PRDM11: variants seen among roughly 807,000 people sequenced by gnomAD.
PRDM11 encodes the protein PR/SET domain 11, also known as PR domain-containing protein 11.
PRDM11 carries 20 observed loss-of-function variants against 97.8 expected under a neutral mutation model. The observed-to-expected ratio is 0.20, with a 90% CI of 0.14 to 0.30. PRDM11 has a LOEUF of 0.30. Ranked by LOEUF, PRDM11 falls within the 10% of genes least tolerant of loss-of-function variation. The pLI is 1.00. For synonymous variants in PRDM11, 599 were observed against 637.7 expected, an observed-to-expected ratio of 0.94 and a Z score of 0.91; for missense variants, 1,139 against 1,555.2, an observed-to-expected ratio of 0.73 and a Z score of 4.50.
At chr11:45,186,831 A>G (rs1852722428) in intron 4 of PRDM11, among the ~76,000 whole-genome samples, 1 of 152,206 alleles carries the variant, frequency 6.6e-6, no homozygotes, top group African/African-American at 2.4e-5. Flanking sequence ...TGACGAGGAA[A>G]CACAGGACTC....
intron 4 of PRDM11, among the ~76,000 whole-genome samples, chr11:45,200,013 C>G (rs1013743206): frequency 4.6e-5 from 7 of 152,232 alleles, no homozygotes; most frequent in Non-Finnish European, 5.9e-5. Flanking sequence ...TCTTCTGCGT[C>G]CCGCTAGGCT....
intron 1 of PRDM11, among the ~76,000 whole-genome samples, chr11:45,130,909 C>T (rs187270801): frequency 7.2e-5 from 11 of 151,946 alleles, no homozygotes; most frequent in Non-Finnish European, 1.5e-4. Context: ...GGTAACTACC[C>T]AAGATACATT....
chr11:45,148,474 C>G (rs1851578755), intron 1 of PRDM11, among the ~76,000 whole-genome samples: 1 of 152,150 alleles, frequency 6.6e-6, no homozygotes, highest in Non-Finnish European at 1.5e-5. Flanking sequence ...CAGAATTGCC[C>G]CCACAGACCC....
chr11:45,154,981 T>C (rs978648038), intron 1 of PRDM11, among the ~76,000 whole-genome samples: 3 of 152,140 alleles, frequency 2.0e-5, no homozygotes, highest in Non-Finnish European at 4.4e-5. Context: ...ACAGAGAGAT[T>C]GTCCAGCTAC....
intron 1 of PRDM11, among the ~76,000 whole-genome samples, chr11:45,130,768 AC>A (rs1341663757): frequency 6.6e-6 from 1 of 152,230 alleles, no homozygotes; most frequent in African/African-American, 2.4e-5. Context: ...TTTACAATAT[AC>A]CATGAACATT....
intron 1 of PRDM11, among the ~76,000 whole-genome samples, chr11:45,112,118 C>T (rs1247314193): frequency 6.6e-6 from 1 of 152,154 alleles, no homozygotes; most frequent in African/African-American, 2.4e-5. Context: ...CCCCACAAGT[C>T]CCCAAAGTCC....
intron 5 of PRDM11, among the ~76,000 whole-genome samples, chr11:45,206,400 C>T (rs941047136): frequency 6.6e-6 from 1 of 152,186 alleles, no homozygotes; most frequent in Non-Finnish European, 1.5e-5. Flanking sequence ...GGCTGTTGGG[C>T]GGCTGCTCAG....
At chr11:45,111,446 C>G (rs1852178360) in intron 1 of PRDM11, among the ~76,000 whole-genome samples, 1 of 152,206 alleles carries the variant, frequency 6.6e-6, no homozygotes. Flanking sequence ...CATGGACTCT[C>G]TCTCATCTGG....
At chr11:45,187,802 G>A (rs1852760672) in intron 4 of PRDM11, among the ~76,000 whole-genome samples, 1 of 28,390 alleles carries the variant, frequency 3.5e-5, no homozygotes, top group Non-Finnish European at 2.1e-4. Context: ...AAAAGTTCGT[G>A]TGTGTGTGTG....
At chr11:45,125,791 T>G (rs1852555470) in intron 1 of PRDM11, among the ~76,000 whole-genome samples, 1 of 152,136 alleles carries the variant, frequency 6.6e-6, no homozygotes, top group South Asian at 2.1e-4. Flanking sequence ...AGGTGTGGTG[T>G]GGTGCTGAAA....
At position 45,227,884 on chromosome 11, in the gene PRDM11, T is replaced by C. The variant is rs1244221936; in HGVS notation, c.3259T>C (p.Cys1087Arg). 1 of 1,533,968 alleles carries C rather than the reference T, an allele frequency of 6.5e-7. No individual in the cohort carries two copies. Among genetic ancestry groups the C allele is most frequent in the South Asian group, 1.2e-5 (1 of 83,968 alleles). The change falls in exon 8 of 8, where the codon TGC (cysteine) becomes CGC (arginine). Residue 1087 changes from cysteine to arginine, a missense_variant. This residue lies in a region of PRDM11 where 710 missense variants were observed against 1,044.9 expected (regional missense o/e 0.68). Coordinates refer to ENST00000683152, the MANE Select transcript of PRDM11 (RefSeq NM_001384648.1). The surrounding 1 kb of genome is among the most constrained non-coding windows in gnomAD (Gnocchi z 8.0). Reference sequence around the variant, plus strand: ...TAAAGTCCTCCCCACTTCCACCGCTTGCTGCGAGAAAGGCCGCAATGCCCT... The same window carrying C: ...TAAAGTCCTCCCCACTTCCACCGCTCGCTGCGAGAAAGGCCGCAATGCCCT... ...VLKVLPTSTA[C>R]CEKGRNALQR... is the part of the protein sequence containing the mutation.
chr11:45,141,107 T>C (rs1321611846), intron 1 of PRDM11, among the ~76,000 whole-genome samples: 1 of 152,222 alleles, frequency 6.6e-6, no homozygotes, highest in Non-Finnish European at 1.5e-5. Context: ...TCTCAGCTGA[T>C]ATCTGGGGGT....
intron 3 of PRDM11, 49 bp downstream of exon 3, chr11:45,182,398 C>T (rs1391312553): frequency 3.9e-6 from 6 of 1,522,116 alleles, no homozygotes; most frequent in Non-Finnish European, 4.5e-6. Context: ...ACCCCCATCG[C>T]CCCATTCCTG....
At chr11:45,221,569 A>G (rs2135845715) in intron 6 of PRDM11, among the ~76,000 whole-genome samples, 1 of 152,244 alleles carries the variant, frequency 6.6e-6, no homozygotes, top group East Asian at 1.9e-4. Context: ...TCTCCAGAGC[A>G]CCTGAAGCTG....
chr11:45,162,025 C>A (rs1182423454), intron 1 of PRDM11, among the ~76,000 whole-genome samples: 1 of 152,222 alleles, frequency 6.6e-6, no homozygotes, highest in East Asian at 1.9e-4. Context: ...AGGTTCCTGG[C>A]CACACAGCTT....
At chr11:45,153,441 G>A (rs139162690) in intron 1 of PRDM11, among the ~76,000 whole-genome samples, 3 of 152,374 alleles carry the variant, frequency 2.0e-5, no homozygotes, top group East Asian at 3.9e-4. Flanking sequence ...TGGCCTCCAA[G>A]GGCTGCATGG....
At chr11:45,097,743 C>T (rs1347731371) in intron 1 of PRDM11, among the ~76,000 whole-genome samples, 1 of 152,232 alleles carries the variant, frequency 6.6e-6, no homozygotes, top group Non-Finnish European at 1.5e-5. Context: ...CTACGGAAAG[C>T]ATGGAGCCGC....
chr11:45,198,198 C>A (rs1853200729), intron 4 of PRDM11, among the ~76,000 whole-genome samples: 1 of 152,178 alleles, frequency 6.6e-6, no homozygotes, highest in South Asian at 2.1e-4. Context: ...GCCCCCTTTC[C>A]CAGACACCAG....
chr11:45,194,988 G>A (rs2135771298), intron 4 of PRDM11, among the ~76,000 whole-genome samples: 1 of 151,886 alleles, frequency 6.6e-6, no homozygotes, highest in African/African-American at 2.4e-5. Flanking sequence ...ATGGGGCCAG[G>A]ACTTTTAACT....
Sources: allele counts gnomAD v4.1 joint callset (sites outside exome capture counted in the v4.1 genomes callset), GRCh38; gene constraint gnomAD v4.1.1; regional missense constraint gnomAD v4.1.1; non-coding constraint Gnocchi (gnomAD v3.1); transcripts MANE v1.5; gene names NCBI Gene and HGNC (gene_info 2026-07-23, HGNC 2026-07-21).